The following MAF variants were observed in gnomAD, a reference collection of about 807,000 sequenced individuals.
MAF encodes MAF bZIP transcription factor, also known as transcription factor Maf.
MAF carries 10 observed loss-of-function variants against 22.0 expected under a neutral mutation model. That is an observed-to-expected ratio of 0.45 (90% CI 0.28 to 0.77). The LOEUF is 0.77. Among genes scored for constraint, MAF ranks in the 30% least tolerant of loss-of-function variants. The pLI is 0.12. For missense variants in MAF, 544 were observed against 548.4 expected, an observed-to-expected ratio of 0.99 and a Z score of 0.08; for synonymous variants, 337 against 255.8, an observed-to-expected ratio of 1.32 and a Z score of -3.03.
the MAF span, among the ~76,000 whole-genome samples, chr16:79,260,009 G>T: frequency 6.6e-6 from 1 of 152,234 alleles, no homozygotes; most frequent in Non-Finnish European, 1.5e-5. Context: ...ACTACCTGCA[G>T]TGAGCCCCAG....
At chr16:79,569,523 G>C in the MAF span, among the ~76,000 whole-genome samples, 2 of 152,176 alleles carry the variant, frequency 1.3e-5, no homozygotes, top group African/African-American at 2.4e-5. Context: ...ATATCACCTG[G>C]AAACAGGTTT....
the MAF span, among the ~76,000 whole-genome samples, chr16:79,440,415 C>G: frequency 6.6e-6 from 1 of 152,190 alleles, no homozygotes; most frequent in Non-Finnish European, 1.5e-5. Flanking sequence ...ACAACCTCAA[C>G]TAATTTCTTT....
chr16:79,209,451 A>G, the MAF span, among the ~76,000 whole-genome samples: 2 of 152,216 alleles, frequency 1.3e-5, no homozygotes, highest in African/African-American at 4.8e-5. Context: ...GCTTGGCAGA[A>G]CAGTGAAAGG....
the MAF span, among the ~76,000 whole-genome samples, chr16:79,338,476 C>T: frequency 1.3e-5 from 2 of 152,180 alleles, no homozygotes; most frequent in Non-Finnish European, 2.9e-5. Context: ...GCTTCAGCAA[C>T]AATCTACTAT....
chr16:79,271,320 G>C, the MAF span, among the ~76,000 whole-genome samples: 1 of 151,726 alleles, frequency 6.6e-6, no homozygotes, highest in Non-Finnish European at 1.5e-5. Flanking sequence ...ACCTCCATTG[G>C]GTTACTACTA....
chr16:79,306,998 T>C, the MAF span, among the ~76,000 whole-genome samples: 1 of 152,206 alleles, frequency 6.6e-6, no homozygotes, highest in South Asian at 2.1e-4. Flanking sequence ...TTTTCTGTTG[T>C]TATCAGTGTT....
the MAF span, among the ~76,000 whole-genome samples, chr16:79,403,734 C>T: frequency 6.6e-6 from 1 of 152,146 alleles, no homozygotes; most frequent in Non-Finnish European, 1.5e-5. Context: ...GGATAGCAAC[C>T]TAACATAGGA....
At chr16:79,492,557 G>C in the MAF span, among the ~76,000 whole-genome samples, 1 of 151,992 alleles carries the variant, frequency 6.6e-6, no homozygotes, top group South Asian at 2.1e-4. Flanking sequence ...AGATAACAGT[G>C]TCACCAAAAG....
the MAF span, among the ~76,000 whole-genome samples, chr16:79,263,778 C>A: frequency 6.6e-6 from 1 of 152,178 alleles, no homozygotes; most frequent in Non-Finnish European, 1.5e-5. Context: ...ACTTTTGTGA[C>A]TGGTCTTCTG....
chr16:79,534,019 C>A, the MAF span, among the ~76,000 whole-genome samples: 2 of 152,322 alleles, frequency 1.3e-5, no homozygotes, highest in East Asian at 3.9e-4. Flanking sequence ...TGTCCCCATA[C>A]TACAAGCTCA....
the MAF span, among the ~76,000 whole-genome samples, chr16:79,573,593 C>G: frequency 2.0e-5 from 3 of 152,122 alleles, no homozygotes; most frequent in Non-Finnish European, 4.4e-5. Context: ...TTTCTATATC[C>G]TCAGCACCAT....
At chr16:79,286,479 G>C in the MAF span, among the ~76,000 whole-genome samples, 4 of 152,160 alleles carry the variant, frequency 2.6e-5, no homozygotes, top group African/African-American at 9.7e-5. Context: ...TGATACATTT[G>C]GCAGTATGCT....
chr16:79,428,849 A>AAATAATAATAAATAAT, the MAF span, among the ~76,000 whole-genome samples: 1 of 146,642 alleles, frequency 6.8e-6, no homozygotes, highest in South Asian at 2.3e-4. Flanking sequence ...TGTCTCAGAA[A>AAATAATAATAAATAAT]AATAATAATA....
chr16:79,299,176 G>A, the MAF span, among the ~76,000 whole-genome samples: 16,903 of 152,098 alleles, frequency 0.11, 1,013 homozygotes, highest in East Asian at 0.21. Flanking sequence ...GCTGGTTAAT[G>A]GGCGACCTTT....
chr16:79,557,174 T>TG, the MAF span, among the ~76,000 whole-genome samples: 3 of 120,752 alleles, frequency 2.5e-5, no homozygotes, highest in Admixed American at 2.7e-4. Flanking sequence ...GTAGTTTTTT[T>TG]TATTCAATTC....
chr16:79,374,115 A>C, the MAF span, among the ~76,000 whole-genome samples: 1 of 152,282 alleles, frequency 6.6e-6, no homozygotes, highest in East Asian at 1.9e-4. Flanking sequence ...AAAAAATACA[A>C]CATGTAGAAG....
chr16:79,219,181 G>A, the MAF span, among the ~76,000 whole-genome samples: 1 of 152,280 alleles, frequency 6.6e-6, no homozygotes, highest in East Asian at 1.9e-4. Flanking sequence ...TCATTCAGAT[G>A]AGGGAGGCTC....
rs1017920924 is a variant in MAF, at chr16:79,598,869, T to C, written c.1034A>G (p.Lys345Arg). Residue 345 changes from lysine to arginine, a missense_variant, in exon 1 of 2, where the codon AAG becomes AGG. Transcript: ENST00000326043. ...GCTCACCAACTTCTCGTATTTCTCC[T>C]TGTACGCGTCCCTCTCGCGCACCAG... is the stretch of plus-strand genomic sequence containing the variant. ...SRLVRERDAY[K>R]EKYEKLVSSG... 8.1e-6 allele frequency: 13 copies of C among 1,613,678 alleles called. No homozygotes were observed. Among genetic ancestry groups the C allele is most frequent in the Non-Finnish European group, 1.1e-5 (13 of 1,179,992 alleles).
At chr16:79,303,988 G>T in the MAF span, among the ~76,000 whole-genome samples, 1 of 152,210 alleles carries the variant, frequency 6.6e-6, no homozygotes, top group Non-Finnish European at 1.5e-5. Context: ...GGCTCCAAGA[G>T]TGTTTGGATA....
Sources: gnomAD v4.1 joint callset for allele counts (sites outside exome capture counted in the v4.1 genomes callset) on GRCh38, gnomAD v4.1.1 for gene constraint, MANE v1.5 for transcripts, NCBI Gene and HGNC (gene_info 2026-07-23, HGNC 2026-07-21) for gene names.